GRID1: variants seen among roughly 807,000 people sequenced by gnomAD.
The protein encoded by GRID1 is glutamate receptor ionotropic, delta-1.
GRID1 carries 28 observed loss-of-function variants against 98.0 expected under a neutral mutation model. The observed-to-expected ratio is 0.29, with a 90% CI of 0.21 to 0.39. The LOEUF is 0.39. Ranked by LOEUF, GRID1 falls within the 10% of genes least tolerant of loss-of-function variation. The pLI is 1.00. For synonymous variants in GRID1, 553 were observed against 538.5 expected, an observed-to-expected ratio of 1.03 and a Z score of -0.37; for missense variants, 1,111 against 1,340.5, an observed-to-expected ratio of 0.83 and a Z score of 2.67.
At chr10:85,819,595 C>T (rs1362072978) in intron 8 of GRID1, among the ~76,000 whole-genome samples, 2 of 152,124 alleles carry the variant, frequency 1.3e-5, no homozygotes, top group African/African-American at 4.8e-5. Context: ...CCCCAAAATT[C>T]ATAACCTCCG....
intron 4 of GRID1, among the ~76,000 whole-genome samples, chr10:86,115,613 G>A (rs953630407): frequency 4.6e-5 from 7 of 152,210 alleles, no homozygotes; most frequent in South Asian, 2.1e-4. Context: ...CAGTTAGTAA[G>A]AGGTGATTAG....
intron 5 of GRID1, among the ~76,000 whole-genome samples, chr10:85,870,318 G>A (rs1003351818): frequency 1.3e-5 from 2 of 152,228 alleles, no homozygotes; most frequent in African/African-American, 4.8e-5. Context: ...ACTTACACCA[G>A]CGATTTTCCA....
chr10:85,838,138 A>G (rs1842927616), intron 8 of GRID1, among the ~76,000 whole-genome samples: 1 of 152,164 alleles, frequency 6.6e-6, no homozygotes, highest in Non-Finnish European at 1.5e-5. Flanking sequence ...AATGAACAAA[A>G]CCATCAAGAA....
chr10:85,637,715 C>T (rs1843065905), intron 13 of GRID1, among the ~76,000 whole-genome samples: 1 of 152,212 alleles, frequency 6.6e-6, no homozygotes, highest in East Asian at 1.9e-4. Flanking sequence ...CTCTCACATT[C>T]TCACACTTTT....
chr10:85,925,843 T>C (rs1479877863), intron 4 of GRID1, among the ~76,000 whole-genome samples: 2 of 152,242 alleles, frequency 1.3e-5, no homozygotes, highest in Non-Finnish European at 2.9e-5. Flanking sequence ...AGGTTAATGC[T>C]GTGACCCCTT....
intron 3 of GRID1, among the ~76,000 whole-genome samples, chr10:86,158,257 T>C (rs1845273308): frequency 6.6e-6 from 1 of 152,144 alleles, no homozygotes; most frequent in African/African-American, 2.4e-5. Context: ...GCCTCTCACC[T>C]CTCTGCACCT....
intron 12 of GRID1, among the ~76,000 whole-genome samples, chr10:85,664,189 T>A (rs1475924481): frequency 6.6e-6 from 1 of 152,134 alleles, no homozygotes; most frequent in East Asian, 1.9e-4. Flanking sequence ...AGAGTCAACA[T>A]GTGAGAGCCT....
At chr10:85,884,619 TTC>T (rs1248321434) in intron 5 of GRID1, among the ~76,000 whole-genome samples, 1 of 152,178 alleles carries the variant, frequency 6.6e-6, no homozygotes, top group Non-Finnish European at 1.5e-5. Context: ...ATCCCTAAAT[TTC>T]TGTTACTTCC....
intron 5 of GRID1, among the ~76,000 whole-genome samples, chr10:85,885,969 C>G (rs888738824): frequency 6.6e-6 from 1 of 152,234 alleles, no homozygotes; most frequent in African/African-American, 2.4e-5. Flanking sequence ...GCCTGAGACT[C>G]TTGCCCACTT....
At chr10:86,244,573 G>A (rs529383782) in intron 2 of GRID1, among the ~76,000 whole-genome samples, 19 of 152,320 alleles carry the variant, frequency 1.2e-4, no homozygotes, top group East Asian at 1.2e-3. Flanking sequence ...CCACCCCCTC[G>A]TTAATCATCC....
chr10:85,761,640 G>A (rs1842148242), intron 8 of GRID1, among the ~76,000 whole-genome samples: 1 of 152,204 alleles, frequency 6.6e-6, no homozygotes, highest in Non-Finnish European at 1.5e-5. Flanking sequence ...GTTCTAAACG[G>A]TGCTAGCCAG....
intron 12 of GRID1, among the ~76,000 whole-genome samples, chr10:85,686,407 C>T (rs548126036): frequency 8.5e-5 from 13 of 152,322 alleles, no homozygotes; most frequent in Non-Finnish European, 1.8e-4. Context: ...CACTGTAGCA[C>T]TGTCAATATT....
intron 8 of GRID1, among the ~76,000 whole-genome samples, chr10:85,785,237 T>C (rs1341708083): frequency 2.6e-5 from 4 of 152,228 alleles, no homozygotes; most frequent in African/African-American, 9.6e-5. Context: ...AGGTAAGGAA[T>C]TCACTATGCT....
intron 8 of GRID1, among the ~76,000 whole-genome samples, chr10:85,851,305 C>T (rs1280149084): frequency 6.6e-6 from 1 of 152,184 alleles, no homozygotes; most frequent in East Asian, 1.9e-4. Context: ...CCATGCCAGA[C>T]AGCTCCAAGT....
At chr10:86,044,832 G>A (rs967816285) in intron 4 of GRID1, among the ~76,000 whole-genome samples, 3 of 152,186 alleles carry the variant, frequency 2.0e-5, no homozygotes, top group African/African-American at 7.2e-5. Flanking sequence ...ATCTCATACA[G>A]GCCAAAAGTA....
chr10:86,181,391 T>C (rs1845653075), intron 3 of GRID1, among the ~76,000 whole-genome samples: 1 of 152,144 alleles, frequency 6.6e-6, no homozygotes, highest in Non-Finnish European at 1.5e-5. Flanking sequence ...TGAATGCAGG[T>C]AGGTTGCCTC....
intron 3 of GRID1, among the ~76,000 whole-genome samples, chr10:86,200,737 A>C (rs1845938139): frequency 6.6e-6 from 1 of 152,250 alleles, no homozygotes; most frequent in African/African-American, 2.4e-5. Flanking sequence ...TAAAAAGAAA[A>C]GGCTCGATTT....
rs944743765 is a variant in GRID1 at position 86,001,916 on chromosome 10, G to A, written c.727-85677C>T. Among the ~76,000 whole-genome samples the A allele has an allele frequency of 5.9e-5, 9 of 152,276 alleles. 1 individual carries two copies. The highest frequency in any genetic ancestry group is 2.2e-4 in the African/African-American group (9 of 41,552). On this transcript the variant is annotated intron_variant, in intron 4 of 15. Coordinates refer to ENST00000327946, the MANE Select transcript of GRID1 (RefSeq NM_017551.3). ...AGTCTCTAGGGAAGGATCCTTCCTT[G>A]CCTCTTCCAGCTTCTAGTAGCCCCA... is the stretch of plus-strand genomic sequence containing the variant.
chr10:85,832,368 C>T (rs1449447045), intron 8 of GRID1, among the ~76,000 whole-genome samples: 1 of 152,020 alleles, frequency 6.6e-6, no homozygotes, highest in Non-Finnish European at 1.5e-5. Flanking sequence ...CTGAAAAGGA[C>T]ATTGCCACAT....
Sources: allele counts gnomAD v4.1 joint callset (sites outside exome capture counted in the v4.1 genomes callset), GRCh38; gene constraint gnomAD v4.1.1; transcripts MANE v1.5; gene names NCBI Gene and HGNC (gene_info 2026-07-23, HGNC 2026-07-21).